The following CCNG2 variants were observed in gnomAD, a reference collection of about 807,000 sequenced individuals.
The protein encoded by CCNG2 is cyclin-G2.
A neutral mutation model predicts 36.5 loss-of-function variants in CCNG2; 20 were observed. The ratio of observed to expected loss-of-function variants is 0.55; its 90% confidence interval spans 0.39 to 0.80. The LOEUF is 0.80. Ranked by LOEUF, CCNG2 falls within the 30% of genes least tolerant of loss-of-function variation. The pLI is 0.00. For synonymous variants in CCNG2, 155 were observed against 140.1 expected, an observed-to-expected ratio of 1.11 and a Z score of -0.75; for missense variants, 358 against 390.8, an observed-to-expected ratio of 0.92 and a Z score of 0.71.
chr4:77,162,654 G>T (rs562580704), intron 6 of CCNG2, among the ~76,000 whole-genome samples: 1 of 152,172 alleles, frequency 6.6e-6, no homozygotes, highest in Admixed American at 6.5e-5. Flanking sequence ...AAAGTGCTGG[G>T]ATTACAGGCG....
intron 7 of CCNG2, chr4:77,164,711 T>A (rs1731582063): frequency 2.4e-6 from 1 of 420,600 alleles, no homozygotes; most frequent in Non-Finnish European, 4.3e-6. Context: ...TTTATATTTT[T>A]TTGAGTAGAG....
In CCNG2 at chr4:77,166,274, C is replaced by A. The variant is rs1349377003; in HGVS notation, c.*350C>A. On this transcript the variant is annotated 3_prime_UTR_variant, in exon 8 of 8. Transcript: ENST00000316355. The stretch of plus-strand genomic sequence containing the variant: ...GCTTATCTTAAACATTTTATAAAAC[C>A]TTCAGATGTCTTTAAGCAGATTGGA... 2 of 159,188 alleles carry A rather than the reference C, an allele frequency of 1.3e-5. No individual in the cohort carries two copies. Among genetic ancestry groups the A allele is most frequent in the Non-Finnish European group, 2.8e-5 (2 of 72,330 alleles). 9.9% of individuals were successfully genotyped at this position (159,188 alleles called of 1,614,324 possible).
intron 3 of CCNG2, among the ~76,000 whole-genome samples, chr4:77,160,088 A>G (rs1359480126): frequency 6.6e-6 from 1 of 152,138 alleles, no homozygotes; most frequent in Non-Finnish European, 1.5e-5. Context: ...ACTCTGCACA[A>G]CTCGTGATAT....
chr4:77,158,464 G>C (rs1731333835), intron 1 of CCNG2, 69 bp from the exon 2 acceptor site: 1 of 1,531,558 alleles, frequency 6.5e-7, no homozygotes, highest in Non-Finnish European at 9.0e-7. Flanking sequence ...ACTGGCCTCA[G>C]CCCTTTCTCC....
chr4:77,159,036 GCAAA>G (rs1309240228), intron 2 of CCNG2, among the ~76,000 whole-genome samples: 1 of 152,196 alleles, frequency 6.6e-6, no homozygotes, highest in African/African-American at 2.4e-5. Context: ...CTTTAGAAAA[GCAAA>G]CAAAAGAACC....
Position 77,159,395 on chromosome 4 carries a change from G to C in CCNG2, c.167G>C (p.Arg56Thr). 6.2e-7 allele frequency: 1 copy of C among 1,613,418 alleles called. No individual in the cohort carries two copies. Residue 56 changes from arginine to threonine, a missense_variant, in exon 3 of 8, where the codon AGA becomes ACA. By Grantham distance (71) the Arg-to-Thr change is moderately conservative. Coordinates refer to ENST00000316355, the MANE Select transcript of CCNG2 (RefSeq NM_004354.3). Reference protein sequence around the residue: ...ENDNTLCPGLRNAKVEDLRSL... With the variant: ...ENDNTLCPGLTNAKVEDLRSL... The stretch of plus-strand genomic sequence containing the variant: ...GATAACACTTTGTGTCCAGGATTGA[G>C]AAATGCCAAAGTTGAAGATTTAAGG...
chr4:77,157,266 G>GTGGGCTGGTCTTCCGCGGCCGGCGT lies in CCNG2; in HGVS notation c.-238_-214dup. The stretch of plus-strand genomic sequence containing the variant: ...CCGCTGAGGCGGCGGGGGTGCGGCG[G>GTGGGCTGGTCTTCCGCGGCCGGCGT]TGGGCTGGTCTTCCGCGGCCGGCGT... On this transcript the variant is annotated 5_prime_UTR_variant, in exon 1 of 8. Transcript: ENST00000316355. 6.6e-6 allele frequency: 1 copy of GTGGGCTGGTCTTCCGCGGCCGGCGT among 152,520 alleles called. No homozygotes were observed. The highest frequency in any genetic ancestry group is 1.9e-4 in the East Asian group (1 of 5,168). The allele number at this position is 152,520 out of a possible 1,614,324, so 9.4% of individuals were successfully genotyped here. A position where few individuals can be genotyped will look rare whatever the true frequency, so the allele number is the denominator to read the frequency against.
chr4:77,164,699 T>G (rs1167443394), intron 7 of CCNG2: 2 of 443,696 alleles, frequency 4.5e-6, no homozygotes, highest in East Asian at 3.8e-5. Context: ...GTTTTTTTCT[T>G]TTTTATATTT....
rs575594063 is a variant in CCNG2 at position 77,162,501 on chromosome 4, A to C, written c.705+754A>C. On this transcript the variant is annotated intron_variant, in intron 6 of 7. Coordinates refer to ENST00000316355, the MANE Select transcript of CCNG2 (RefSeq NM_004354.3). The stretch of plus-strand genomic sequence containing the variant: ...GGGTTCAAGTGATTCTCCTGCGTCA[A>C]CCTCCCGAGTAGCTGGGGCTACAGG... Among the ~76,000 whole-genome samples the C allele has an allele frequency of 5.4e-5, 8 of 148,656 alleles. No individual in the cohort carries two copies. In the East Asian group the frequency reaches 1.6e-3, roughly 30 times the overall value.
chr4:77,160,862 C>T lies in CCNG2; in HGVS notation c.418C>T (p.Arg140Trp), dbSNP rs1378359101. ...TAAATGTACTGCTTCTGACATAAAA[C>T]GGATGGAAAAAATAATTTCAGAAAA... ...QCKCTASDIK[R>W]MEKIISEKLH... Residue 140 changes from arginine to tryptophan, a missense_variant, in exon 4 of 8, where the codon CGG becomes TGG. Coordinates refer to ENST00000316355, the MANE Select transcript of CCNG2 (RefSeq NM_004354.3). The T allele has an allele frequency of 1.2e-6, 2 of 1,613,800 alleles. No homozygotes were observed. Among genetic ancestry groups the T allele is most frequent in the Non-Finnish European group, 1.7e-6 (2 of 1,179,906 alleles).
At position 77,165,822 on chromosome 4, in the gene CCNG2, G is replaced by A; in HGVS notation, c.933G>A (p.Met311Ile). The A allele has an allele frequency of 7.5e-6, 12 of 1,602,730 alleles. No individual in the cohort carries two copies. Among genetic ancestry groups the A allele is most frequent in the Non-Finnish European group, 1.0e-5 (12 of 1,176,318 alleles). ...ESESEDSCED[M>I]SCGEESLSSS... Reference sequence around the variant, plus strand: ...TTAGTGAGGACTCTTGTGAAGATATGAGTTGTGGAGAGGAGAGTCTCAGCA... The same window carrying A: ...TTAGTGAGGACTCTTGTGAAGATATAAGTTGTGGAGAGGAGAGTCTCAGCA... Residue 311 changes from methionine to isoleucine, a missense_variant, in exon 8 of 8, where the codon ATG (methionine) becomes ATA (isoleucine). Transcript: ENST00000316355.
At position 77,166,481 on chromosome 4, in the gene CCNG2, TTATAA is replaced by T. The variant is rs749541042; in HGVS notation, c.*561_*565del. 2 of 152,212 alleles carry T rather than the reference TTATAA, an allele frequency of 1.3e-5. No individual in the cohort carries two copies. Among genetic ancestry groups the T allele is most frequent in the African/African-American group, 2.4e-5 (1 of 41,448 alleles). The allele number at this position is 152,212 out of a possible 1,614,324, so 9.4% of individuals were successfully genotyped here. A position where few individuals can be genotyped will look rare whatever the true frequency, so the allele number is the denominator to read the frequency against. On this transcript the variant is annotated 3_prime_UTR_variant, in exon 8 of 8. Transcript: ENST00000316355. ...GATGCAGATCTTATAAATTTGGGAA[TTATAA>T]TATTGACATTTCTGTGATTTTTATA...
rs1560424091 is a variant in CCNG2 at position 77,164,497 on chromosome 4, C to T, written c.911+18C>T. On this transcript the variant is annotated intron_variant, in intron 7 of 7. Coordinates refer to ENST00000316355, the MANE Select transcript of CCNG2 (RefSeq NM_004354.3). ...AGTGAAAGGTAGGCAGGTTCCTTGA[C>T]TAATTAAACTTCCCTAGACTAAATA... 7 of 1,569,874 alleles carry T rather than the reference C, an allele frequency of 4.5e-6. No homozygotes were observed. Among genetic ancestry groups the T allele is most frequent in the South Asian group, 3.3e-5 (3 of 90,160 alleles).
rs1289800793 is a variant in CCNG2 at position 77,164,322 on chromosome 4, C to T, written c.754C>T (p.Leu252=). 11 of 1,613,948 alleles carry T rather than the reference C, an allele frequency of 6.8e-6. No individual in the cohort carries two copies. Among genetic ancestry groups the T allele is most frequent in the Non-Finnish European group, 8.5e-6 (10 of 1,179,962 alleles). Residue 252 remains leucine (L), a synonymous_variant, in exon 7 of 8, where the codon CTA becomes TTA. Coordinates refer to ENST00000316355, the MANE Select transcript of CCNG2 (RefSeq NM_004354.3). ...FYWRELVSKC[L]AEYSSPECCK... is the part of the protein sequence containing the mutation. ...CTGGAGAGAGTTGGTTTCTAAATGC[C>T]TAGCCGAGTATTCTTCTCCTGAATG...
At chr4:77,158,151 C>T (rs1731320479) in intron 1 of CCNG2, 2 of 200,022 alleles carry the variant, frequency 1.0e-5, no homozygotes, top group Non-Finnish European at 1.0e-5. Context: ...ACCCCATCCC[C>T]GGGACCCGCT....
At chr4:77,160,139 T>TA (rs1450627529) in intron 3 of CCNG2, among the ~76,000 whole-genome samples, 1 of 152,348 alleles carries the variant, frequency 6.6e-6, no homozygotes, top group East Asian at 1.9e-4. Flanking sequence ...GAATGACTCT[T>TA]AAAGATTTTT....
chr4:77,161,411 A>C lies in CCNG2; in HGVS notation c.528-69A>C, dbSNP rs573159234. On this transcript the variant is annotated intron_variant, in intron 4 of 7. Transcript: ENST00000316355. ...GACACCGCGTCTGGCCCTGGCAAAT[A>C]TTTAAAATCATTTAAAATCATTTAA... 1,185 of 1,088,618 alleles carry C rather than the reference A, an allele frequency of 1.1e-3. 7 individuals carry two copies. The African/African-American group carries it at 0.02, about 18-fold the overall frequency. 67.4% of individuals were successfully genotyped at this position (1,088,618 alleles called of 1,614,324 possible). A position where few individuals can be genotyped will look rare whatever the true frequency, so the allele number is the denominator to read the frequency against.
intron 6 of CCNG2, among the ~76,000 whole-genome samples, chr4:77,163,238 C>G (rs999183427): frequency 2.6e-5 from 4 of 152,084 alleles, no homozygotes; most frequent in Admixed American, 2.6e-4. Context: ...GCCTTTCCCC[C>G]CAACATTAGG....
chr4:77,163,933 A>G (rs1731554251), intron 6 of CCNG2, among the ~76,000 whole-genome samples: 1 of 152,218 alleles, frequency 6.6e-6, no homozygotes, highest in Admixed American at 6.5e-5. Context: ...TGATTTATTA[A>G]CAGACCCAGA....
Sources: gnomAD v4.1 joint callset for allele counts (sites outside exome capture counted in the v4.1 genomes callset) on GRCh38, gnomAD v4.1.1 for gene constraint, MANE v1.5 for transcripts, NCBI Gene and HGNC (gene_info 2026-07-23, HGNC 2026-07-21) for gene names.